Variants in C10orf90 observed in about 807,000 individuals in gnomAD.
C10orf90 encodes the protein chromosome 10 open reading frame 90.
Under a neutral mutation model 62.5 loss-of-function variants are expected in C10orf90, and 56 were observed. That is an observed-to-expected ratio of 0.90 (90% CI 0.72 to 1.12). C10orf90 has a LOEUF of 1.12. C10orf90 is among the 50% of genes most tolerant of loss of function. The pLI, the probability that C10orf90 is intolerant of heterozygous loss-of-function variation, is 0.00. For missense variants in C10orf90, 970 were observed against 880.4 expected (o/e 1.10, Z -1.29); for synonymous variants, 386 against 340.4 (o/e 1.13, Z -1.47).
intron 2 of C10orf90, among the ~76,000 whole-genome samples, chr10:126,585,486 G>A (rs926797852): frequency 7.1e-5 from 4 of 56,342 alleles, no homozygotes; most frequent in African/African-American, 3.3e-4. Context: ...GGGGGAAGGA[G>A]AAAAGGAGGA....
intron 7 of C10orf90, among the ~76,000 whole-genome samples, 184 bp from the exon 8 acceptor site, chr10:126,430,034 G>A (rs1816078111): frequency 6.6e-6 from 1 of 152,178 alleles, no homozygotes; most frequent in Admixed American, 6.5e-5. Context: ...GCCAACAACG[G>A]GTTTGGTCTT....
rs1459058536 is a variant in C10orf90 at position 126,476,962 on chromosome 10, T to A, written c.1535-11976A>T. 2.8e-5 allele frequency among the ~76,000 whole-genome samples: 4 copies of A among 142,618 alleles called. No homozygotes were observed. In the Admixed American group the frequency reaches 2.9e-4, roughly 11 times the overall value. 93.6% of individuals were successfully genotyped at this position (142,618 alleles called of 152,430 possible). ...TCTCGCTCTGTCGCCCAGGCTGGAG[T>A]GCAGTGGCATGATCTCGGCTCACTG... On this transcript the variant is annotated intron_variant, in intron 4 of 9. Transcript: ENST00000488181.
intron 2 of C10orf90, among the ~76,000 whole-genome samples, chr10:126,514,998 T>C (rs999632554): frequency 6.6e-6 from 1 of 152,206 alleles, no homozygotes; most frequent in African/African-American, 2.4e-5. Context: ...CCCCAACTGC[T>C]AGTGCAGGTG....
intron 2 of C10orf90, among the ~76,000 whole-genome samples, chr10:126,539,755 T>G (rs72831277): frequency 6.6e-6 from 1 of 152,228 alleles, no homozygotes; most frequent in African/African-American, 2.4e-5. Flanking sequence ...ATTAAATACG[T>G]TGCATGACTT....
At chr10:126,541,678 T>C (rs1435155573) in intron 2 of C10orf90, among the ~76,000 whole-genome samples, 1 of 152,148 alleles carries the variant, frequency 6.6e-6, no homozygotes, top group Non-Finnish European at 1.5e-5. Flanking sequence ...ATGGCTATAA[T>C]TAAAACAAAA....
intron 2 of C10orf90, among the ~76,000 whole-genome samples, chr10:126,600,628 G>T (rs189724737): frequency 1.1e-3 from 170 of 152,276 alleles, no homozygotes; most frequent in Non-Finnish European, 1.9e-4. Context: ...GTAAACAGAA[G>T]ATATCTACGT....
chr10:126,497,314 G>A (rs1413079186), intron 4 of C10orf90, among the ~76,000 whole-genome samples: 1 of 152,078 alleles, frequency 6.6e-6, no homozygotes, highest in Admixed American at 6.6e-5. Flanking sequence ...AAGGTGAAGA[G>A]TAAACAACGC....
chr10:126,605,398 C>A (rs1408872272), intron 2 of C10orf90, among the ~76,000 whole-genome samples: 1 of 151,982 alleles, frequency 6.6e-6, no homozygotes, highest in Non-Finnish European at 1.5e-5. Flanking sequence ...CTGCCAGGTG[C>A]AAAAGGAGAC....
chr10:126,536,247 C>T (rs188222995), intron 2 of C10orf90, among the ~76,000 whole-genome samples: 1 of 152,238 alleles, frequency 6.6e-6, no homozygotes, highest in Admixed American at 6.5e-5. Context: ...GGGAAGAGCC[C>T]ATTAGGATGG....
At chr10:126,660,455 T>C (rs1201995746) in intron 1 of C10orf90, among the ~76,000 whole-genome samples, 2 of 152,208 alleles carry the variant, frequency 1.3e-5, no homozygotes, top group African/African-American at 4.8e-5. Flanking sequence ...GACAGGGACC[T>C]GAAGCAGTCC....
intron 2 of C10orf90, among the ~76,000 whole-genome samples, chr10:126,618,249 C>A (rs1564894597): frequency 1.3e-5 from 2 of 152,176 alleles, no homozygotes; most frequent in East Asian, 3.9e-4. Context: ...CCGCATGATG[C>A]ATCTCGATTT....
chr10:126,525,598 C>G (rs7358129), intron 2 of C10orf90, among the ~76,000 whole-genome samples: 9,859 of 152,136 alleles, frequency 0.065, 1,044 homozygotes, highest in African/African-American at 0.22. Flanking sequence ...ATTATAAGAG[C>G]CATTAGCCAC....
intron 7 of C10orf90, among the ~76,000 whole-genome samples, chr10:126,457,803 C>T (rs1286461051): frequency 1.3e-5 from 2 of 152,122 alleles, no homozygotes; most frequent in Non-Finnish European, 2.9e-5. Context: ...GTGCCTGAAC[C>T]CAGTTTTCTC....
intron 2 of C10orf90, among the ~76,000 whole-genome samples, chr10:126,610,103 C>T (rs970384318): frequency 2.6e-5 from 4 of 152,172 alleles, no homozygotes; most frequent in Non-Finnish European, 4.4e-5. Context: ...TGGTGGACCC[C>T]TCTCCATCTC....
Position 126,453,421 on chromosome 10 carries a change from G to A in C10orf90, c.2188+5619C>T, listed in dbSNP as rs963279655. Among the ~76,000 whole-genome samples, 4 of 152,150 alleles carry A rather than the reference G, an allele frequency of 2.6e-5. No homozygotes were observed. The highest frequency in any genetic ancestry group is 9.7e-5 in the African/African-American group (4 of 41,430). On this transcript the variant is annotated intron_variant, in intron 7 of 9. Transcript: ENST00000488181. The surrounding 1 kb of genome is among the most constrained non-coding windows in gnomAD (Gnocchi z 4.9). Reference sequence around the variant, plus strand: ...CCAAGATGCAAAGAGTGTTCAAATGGGAGTGAGAGGAGAGGAGAGGGAGTG... The same window carrying A: ...CCAAGATGCAAAGAGTGTTCAAATGAGAGTGAGAGGAGAGGAGAGGGAGTG...
intron 2 of C10orf90, among the ~76,000 whole-genome samples, chr10:126,642,620 T>G (rs1284727087): frequency 6.6e-6 from 1 of 152,122 alleles, no homozygotes; most frequent in Non-Finnish European, 1.5e-5. Context: ...TCCTCCTGGT[T>G]TTGCAGCTCC....
At chr10:126,497,331 G>C (rs532514769) in intron 4 of C10orf90, among the ~76,000 whole-genome samples, 4 of 152,280 alleles carry the variant, frequency 2.6e-5, no homozygotes, top group African/African-American at 9.6e-5. Flanking sequence ...ACGCAGGGAG[G>C]CTGAAAGCTC....
In C10orf90 at chr10:126,554,051, G is replaced by A. The variant is rs530064983; in HGVS notation, c.314-40112C>T. The stretch of plus-strand genomic sequence containing the variant: ...GAAATGGATTAACATGTCCACCGAA[G>A]ACAGACACACACGCACACACACACA... On this transcript the variant is annotated intron_variant, in intron 2 of 9. Coordinates refer to ENST00000488181, the MANE Select transcript of C10orf90 (RefSeq NM_001350921.2). 3.3e-5 allele frequency among the ~76,000 whole-genome samples: 5 copies of A among 152,052 alleles called. No homozygotes were observed. The East Asian group carries it at 9.7e-4, about 29-fold the overall frequency.
At chr10:126,554,963 C>G (rs1215507811) in intron 2 of C10orf90, among the ~76,000 whole-genome samples, 1 of 152,216 alleles carries the variant, frequency 6.6e-6, no homozygotes, top group Non-Finnish European at 1.5e-5. Flanking sequence ...TCTCACGACA[C>G]TCGCCTTCCT....
Sources: gnomAD v4.1 joint callset for allele counts (sites outside exome capture counted in the v4.1 genomes callset) on GRCh38, gnomAD v4.1.1 for gene constraint, Gnocchi (gnomAD v3.1) non-coding constraint, MANE v1.5 for transcripts, NCBI Gene and HGNC (gene_info 2026-07-23, HGNC 2026-07-21) for gene names.